NAALADL2: variants seen among roughly 807,000 people sequenced by gnomAD.
NAALADL2 encodes inactive N-acetylated-alpha-linked acidic dipeptidase-like protein 2.
In NAALADL2, 76 loss-of-function variants were observed where a neutral mutation model predicts 87.2. That is an observed-to-expected ratio of 0.87 (90% CI 0.72 to 1.05). NAALADL2 has a LOEUF of 1.05. Ranked by LOEUF, NAALADL2 falls within the 50% of genes least tolerant of loss-of-function variation. The pLI, the probability that NAALADL2 is intolerant of heterozygous loss-of-function variation, is 0.00. For synonymous variants in NAALADL2, 354 were observed against 331.0 expected, an observed-to-expected ratio of 1.07 and a Z score of -0.75; for missense variants, 1,089 against 945.8, an observed-to-expected ratio of 1.15 and a Z score of -1.99.
At chr3:174,585,388 G>GA (rs199784963) in intron 2 of NAALADL2, among the ~76,000 whole-genome samples, 7 of 151,780 alleles carry the variant, frequency 4.6e-5, no homozygotes, top group Non-Finnish European at 1.0e-4. Context: ...TAACCTTAAA[G>GA]AAAAAAAATA....
chr3:175,391,293 A>G (rs114641789), intron 5 of NAALADL2, among the ~76,000 whole-genome samples: 2,739 of 152,206 alleles, frequency 0.018, 88 homozygotes, highest in African/African-American at 0.064. Flanking sequence ...GCCACCCTTG[A>G]TTGTGGGCTG....
chr3:174,861,169 G>A (rs1726439351), intron 1 of NAALADL2, among the ~76,000 whole-genome samples: 5 of 152,140 alleles, frequency 3.3e-5, no homozygotes, highest in Admixed American at 2.6e-4. Context: ...ATGTTTAAAT[G>A]TATCCTTGGT....
intron 6 of NAALADL2, among the ~76,000 whole-genome samples, chr3:175,452,734 A>G (rs961998894): frequency 6.6e-6 from 1 of 152,192 alleles, no homozygotes; most frequent in African/African-American, 2.4e-5. Flanking sequence ...CCGTAGAACT[A>G]AAGATCAACA....
At chr3:174,996,730 C>T (rs1747514062) in intron 1 of NAALADL2, among the ~76,000 whole-genome samples, 1 of 151,914 alleles carries the variant, frequency 6.6e-6, no homozygotes, top group South Asian at 2.1e-4. Flanking sequence ...TCTTTGTGCA[C>T]CAGTCACCCA....
chr3:174,555,870 C>G (rs1031840128), intron 2 of NAALADL2, among the ~76,000 whole-genome samples: 2 of 152,150 alleles, frequency 1.3e-5, no homozygotes, highest in South Asian at 2.1e-4. Flanking sequence ...CCTGTTTCCG[C>G]TATTTTCTCA....
chr3:175,602,657 A>G (rs1158979483), intron 10 of NAALADL2, among the ~76,000 whole-genome samples: 1 of 152,184 alleles, frequency 6.6e-6, no homozygotes, highest in Non-Finnish European at 1.5e-5. Context: ...TATTTATTAT[A>G]CAGAGGAAAT....
At chr3:175,718,227 T>TTTTTTTTTGTGTAAAAA in intron 11 of NAALADL2, 2 of 1,037,684 alleles carry the variant, frequency 1.9e-6, no homozygotes, top group Non-Finnish European at 2.8e-6. Context: ...TTTTTTTGAT[T>TTTTTTTTTGTGTAAAAA]AGTTGCTGTA....
chr3:174,732,421 C>A (rs115968226), intron 2 of NAALADL2, among the ~76,000 whole-genome samples: 1 of 151,744 alleles, frequency 6.6e-6, no homozygotes, highest in East Asian at 1.9e-4. Flanking sequence ...GAAGGGATGG[C>A]GAGGATATCC....
intron 2 of NAALADL2, among the ~76,000 whole-genome samples, chr3:174,576,498 T>A (rs1715542761): frequency 6.6e-6 from 1 of 152,220 alleles, no homozygotes; most frequent in Non-Finnish European, 1.5e-5. Context: ...TAATATCTAA[T>A]ATTTCTATTT....
intron 3 of NAALADL2, among the ~76,000 whole-genome samples, chr3:174,805,931 T>C (rs538682281): frequency 1.3e-5 from 2 of 152,314 alleles, no homozygotes; most frequent in South Asian, 4.1e-4. Context: ...AATTATTCTA[T>C]AATTTTTAAA....
chr3:175,359,675 A>G (rs1378181387), intron 5 of NAALADL2, among the ~76,000 whole-genome samples: 2 of 152,078 alleles, frequency 1.3e-5, no homozygotes, highest in Non-Finnish European at 2.9e-5. Context: ...CCTTTTTATG[A>G]TTATAATACA....
intron 4 of NAALADL2, among the ~76,000 whole-genome samples, chr3:175,281,261 A>G (rs1411461503): frequency 2.0e-5 from 3 of 151,804 alleles, no homozygotes; most frequent in African/African-American, 7.2e-5. Flanking sequence ...ATAATTTTAC[A>G]TGGTATATAT....
intron 2 of NAALADL2, among the ~76,000 whole-genome samples, chr3:174,558,813 A>G (rs981282778): frequency 1.3e-5 from 2 of 152,152 alleles, no homozygotes; most frequent in Non-Finnish European, 2.9e-5. Context: ...TCAGTTTATC[A>G]AACATTTTGC....
intron 1 of NAALADL2, among the ~76,000 whole-genome samples, chr3:175,092,696 C>A (rs537428490): frequency 6.6e-6 from 1 of 151,894 alleles, no homozygotes; most frequent in South Asian, 2.1e-4. Context: ...TAATCTAAGT[C>A]TGTCACAGTC....
intron 13 of NAALADL2, among the ~76,000 whole-genome samples, chr3:175,781,839 C>T (rs1371784124): frequency 1.3e-5 from 2 of 151,454 alleles, no homozygotes; most frequent in Non-Finnish European, 2.9e-5. Flanking sequence ...TTAGGTGTAT[C>T]TCCCAATGCT....
chr3:174,797,305 CTTTTTTTTTTTT>C (rs1160338109), intron 3 of NAALADL2, among the ~76,000 whole-genome samples: 2 of 72,720 alleles, frequency 2.8e-5, no homozygotes, highest in Admixed American at 1.6e-4. Context: ...TTTCTTTTTT[CTTTTTTTTTTTT>C]TTTTTTTTTT....
chr3:174,490,690 A>G (rs2108349133), intron 1 of NAALADL2, among the ~76,000 whole-genome samples: 1 of 152,240 alleles, frequency 6.6e-6, no homozygotes, highest in South Asian at 2.1e-4. Context: ...AAACAATGGA[A>G]TGAAGTAAAC....
intron 1 of NAALADL2, among the ~76,000 whole-genome samples, chr3:174,520,964 A>T (rs1720239843): frequency 6.6e-6 from 1 of 152,124 alleles, no homozygotes; most frequent in South Asian, 2.1e-4. Context: ...CCACAATAAG[A>T]CATCATCTCA....
In NAALADL2 at chr3:175,684,631, T is replaced by TAAAC. The variant is rs935990014; in HGVS notation, c.1897-52659_1897-52656dup. Among the ~76,000 whole-genome samples the TAAAC allele has an allele frequency of 4.6e-5, 7 of 152,050 alleles. No homozygotes were observed. In the East Asian group the frequency reaches 7.8e-4, roughly 17 times the overall value. ...CAACATAGTGAGACCCCATCTCTAC[T>TAAAC]AAACAAACAAACAAACAAATAAATA... On this transcript the variant is annotated intron_variant, in intron 11 of 13. Coordinates refer to ENST00000454872, the MANE Select transcript of NAALADL2 (RefSeq NM_207015.3).
Sources: gnomAD v4.1 joint callset for allele counts (sites outside exome capture counted in the v4.1 genomes callset) on GRCh38, gnomAD v4.1.1 for gene constraint, MANE v1.5 for transcripts, NCBI Gene and HGNC (gene_info 2026-07-23, HGNC 2026-07-21) for gene names.